Variants in MIA2 observed in about 807,000 individuals in gnomAD.
MIA2 encodes the protein melanoma inhibitory activity protein 2.
Under a neutral mutation model 167.8 loss-of-function variants are expected in MIA2, and 127 were observed. The ratio of observed to expected loss-of-function variants is 0.76; its 90% CI spans 0.66 to 0.88. The LOEUF is 0.88. MIA2 is among the 40% of genes least tolerant of loss of function. The pLI is 0.00. For synonymous variants in MIA2, 552 were observed against 541.9 expected (o/e 1.02, Z -0.26); for missense variants, 1,690 against 1,624.7 (o/e 1.04, Z -0.69).
chr14:39,234,261 T>A, intron 1 of MIA2, 32 bp downstream of exon 1: 1 of 1,370,156 alleles, frequency 7.3e-7, no homozygotes, highest in Non-Finnish European at 1.0e-6. Context: ...CTTCTCCTCC[T>A]AAATTGAGGC....
At chr14:39,287,788 C>T (rs1219406649) in intron 9 of MIA2, among the ~76,000 whole-genome samples, 1 of 151,448 alleles carries the variant, frequency 6.6e-6, no homozygotes. Flanking sequence ...GTCTTGATCT[C>T]CTGACCTCAT....
downstream of MIA2, among the ~76,000 whole-genome samples, chr14:39,353,326 C>G (rs546836814): frequency 6.6e-5 from 10 of 152,314 alleles, no homozygotes; most frequent in African/African-American, 2.4e-4. Flanking sequence ...TAACCAACCT[C>G]TCTTCATGTT....
intron 25 of MIA2, among the ~76,000 whole-genome samples, chr14:39,343,630 C>T (rs1206783794): frequency 6.6e-6 from 1 of 151,912 alleles, no homozygotes; most frequent in Non-Finnish European, 1.5e-5. Context: ...TTCTTTCTTT[C>T]TAATCATGTC....
intron 6 of MIA2, among the ~76,000 whole-genome samples, chr14:39,253,821 A>G (rs540006554): frequency 2.0e-5 from 3 of 152,224 alleles, no homozygotes; most frequent in African/African-American, 4.8e-5. Flanking sequence ...AAATTTTACT[A>G]TTAAATGAGA....
In MIA2 at chr14:39,341,599, A is replaced by G. The variant is rs142308164; in HGVS notation, c.3656-4305A>G. On this transcript the variant is annotated intron_variant, in intron 25 of 28. Transcript: ENST00000640607. ...TAAGTGGAGGTGTCCAGTTGTTTCA[A>G]TTTTCTTGTTGTGGCAAGATCATCA... Among the ~76,000 whole-genome samples, 588 of 152,206 alleles carry G rather than the reference A, an allele frequency of 3.9e-3. 3 individuals are homozygous for G. The highest frequency in any genetic ancestry group is 0.014 in the African/African-American group (567 of 41,528).
In MIA2 at chr14:39,286,133, A is replaced by G. The variant is rs1010032325; in HGVS notation, c.2131-4886A>G. Among the ~76,000 whole-genome samples, 3 of 152,290 alleles carry G rather than the reference A, an allele frequency of 2.0e-5. No homozygotes were observed. The East Asian group carries it at 5.8e-4, about 29-fold the overall frequency. ...GGTTGTAGCTAGCCGAGATCACACC[A>G]CTGCACTCCAGCCTGGGCAACGTTG... On this transcript the variant is annotated intron_variant, in intron 9 of 28. Coordinates refer to ENST00000640607, the MANE Select transcript of MIA2 (RefSeq NM_001329214.4).
At chr14:39,323,075 A>G (rs7148150) in intron 24 of MIA2, among the ~76,000 whole-genome samples, 42,184 of 152,118 alleles carry the variant, frequency 0.28, 6,040 homozygotes, top group East Asian at 0.5. Flanking sequence ...CCATTACTCC[A>G]CATATTTTTG....
intron 6 of MIA2, among the ~76,000 whole-genome samples, chr14:39,263,796 TA>T (rs1257484947): frequency 1.3e-5 from 2 of 152,018 alleles, no homozygotes; most frequent in African/African-American, 2.4e-5. Context: ...CATGCCCAGC[TA>T]ATTTTTTGTA....
chr14:39,361,785 G>T (rs1297887597), intron 23 of MIA2, among the ~76,000 whole-genome samples: 1 of 152,078 alleles, frequency 6.6e-6, no homozygotes, highest in African/African-American at 2.4e-5. Flanking sequence ...TCTTGTTCCA[G>T]TTCTTAGAGG....
intron 25 of MIA2, among the ~76,000 whole-genome samples, chr14:39,338,592 A>G (rs1314142646): frequency 6.6e-6 from 1 of 152,230 alleles, no homozygotes; most frequent in East Asian, 1.9e-4. Context: ...CACATATCAT[A>G]TAGTAATCAC....
At chr14:39,267,216 G>C in intron 6 of MIA2, 1 of 1,346,092 alleles carries the variant, frequency 7.4e-7, no homozygotes, top group Non-Finnish European at 9.6e-7. Context: ...TGCGGGTCGG[G>C]CTCGGACCTG....
At chr14:39,266,597 G>A in intron 6 of MIA2, 1 of 985,524 alleles carries the variant, frequency 1.0e-6, no homozygotes, top group Non-Finnish European at 1.2e-6. Context: ...CCACAGCTGA[G>A]CCGGGACGCC....
chr14:39,386,922 A>C (rs775371474), exon 24 of MIA2: 1 of 774,220 alleles, frequency 1.3e-6, no homozygotes, highest in Non-Finnish European at 2.3e-6. Flanking sequence ...CCCCGGCTTC[A>C]GGTAGGGGCC....
At chr14:39,266,711 G>T (rs1029112647) in intron 6 of MIA2, 13 of 985,444 alleles carry the variant, frequency 1.3e-5, no homozygotes, top group Non-Finnish European at 1.4e-5. Context: ...CTGGCTTCTC[G>T]GGGCTGCCGG....
At chr14:39,290,420 T>C (rs2060574886) in intron 9 of MIA2, among the ~76,000 whole-genome samples, 1 of 152,192 alleles carries the variant, frequency 6.6e-6, no homozygotes, top group Admixed American at 6.5e-5. Flanking sequence ...ATCACTTTTT[T>C]TGAATAATTG....
exon 24 of MIA2, chr14:39,387,534 T>G (rs1006629668): frequency 6.6e-6 from 1 of 152,262 alleles, no homozygotes; most frequent in East Asian, 1.9e-4. Context: ...GTAAAAAAAG[T>G]GTGTTTTTGA....
At chr14:39,318,146 G>A in intron 22 of MIA2, 135 bp downstream of exon 22, 1 of 615,366 alleles carries the variant, frequency 1.6e-6, no homozygotes, top group East Asian at 3.6e-5. Flanking sequence ...AGTTTTACTA[G>A]GAATGTCTAG....
chr14:39,240,610 A>T lies in MIA2; in HGVS notation c.299A>T (p.Glu100Val). The part of the protein sequence containing the change: ...YFPRDAVQIE[E>V]VFISEEIQMS... ...CCCAGAGATGCAGTCCAGATTGAAGAGGTGTTCATATCTGAGGAAATTCAG... is the reference window on the plus strand; with the variant it reads ...CCCAGAGATGCAGTCCAGATTGAAGTGGTGTTCATATCTGAGGAAATTCAG... Residue 100 changes from glutamate (E) to valine (V), a missense_variant, in exon 3 of 29, where the codon GAG (glutamate) becomes GTG (valine). Glu to Val is a moderately radical substitution (Grantham distance 121). Transcript: ENST00000640607. 3 of 1,613,270 alleles carry T rather than the reference A, an allele frequency of 1.9e-6. No individual in the cohort carries two copies. The highest frequency in any genetic ancestry group is 2.5e-6 in the Non-Finnish European group (3 of 1,179,414).
intron 26 of MIA2, 151 bp downstream of exon 26, chr14:39,346,177 G>A: frequency 1.4e-6 from 1 of 693,256 alleles, no homozygotes. Flanking sequence ...TATGTTTCTT[G>A]TTATATTGTA....
Sources: gnomAD v4.1 joint callset for allele counts (sites outside exome capture counted in the v4.1 genomes callset) on GRCh38, gnomAD v4.1.1 for gene constraint, MANE v1.5 for transcripts, NCBI Gene and HGNC (gene_info 2026-07-23, HGNC 2026-07-21) for gene names.